IL6R: variants seen among roughly 807,000 people sequenced by gnomAD.
IL6R encodes the protein interleukin-6 receptor subunit alpha.
Under a neutral mutation model 48.3 loss-of-function variants are expected in IL6R, and 38 were observed. The observed-to-expected ratio is 0.79, with a 90% CI of 0.61 to 1.03. The LOEUF (loss-of-function observed/expected upper bound fraction) is 1.03, where lower values mean the gene tolerates loss of function less well. IL6R is among the 50% of genes least tolerant of loss of function. IL6R has a pLI of 0.00. For synonymous variants in IL6R, 264 were observed against 256.2 expected, an observed-to-expected ratio of 1.03 and a Z score of -0.29; for missense variants, 534 against 618.3, an observed-to-expected ratio of 0.86 and a Z score of 1.45.
intron 1 of IL6R, among the ~76,000 whole-genome samples, chr1:154,406,808 G>C (rs898261818): frequency 3.3e-5 from 5 of 151,810 alleles, no homozygotes; most frequent in African/African-American, 1.2e-4. Context: ...CTTATGATTG[G>C]AAGAAAAAAA....
rs868503276 is a variant in IL6R, at chr1:154,412,457, C to T, written c.85+6743C>T. ...ATTTTTAGTAGAGACGGGGTTTCACCATGTTGGCCAGGCTGGTCTCGAACT... is the reference window on the plus strand; with the variant it reads ...ATTTTTAGTAGAGACGGGGTTTCACTATGTTGGCCAGGCTGGTCTCGAACT... On this transcript the variant is annotated intron_variant, in intron 1 of 9. Coordinates refer to ENST00000368485, the MANE Select transcript of IL6R (RefSeq NM_000565.4). Among the ~76,000 whole-genome samples, 62 of 152,050 alleles carry T rather than the reference C, an allele frequency of 4.1e-4. 1 individual carries two copies. The Middle Eastern group carries it at 0.031, about 75-fold the overall frequency.
chr1:154,421,802 G>A (rs1570937084), intron 1 of IL6R, among the ~76,000 whole-genome samples: 1 of 152,156 alleles, frequency 6.6e-6, no homozygotes, highest in East Asian at 1.9e-4. Context: ...GAGTTTTTTG[G>A]TAGAGATGGA....
At position 154,429,290 on chromosome 1, in the gene IL6R, G is replaced by A; in HGVS notation, c.180G>A (p.Trp60Ter). The A allele has an allele frequency of 6.2e-7, 1 of 1,614,146 alleles. No individual in the cohort carries two copies. The highest frequency in any genetic ancestry group is 8.5e-7 in the Non-Finnish European group (1 of 1,180,028). Residue 60 changes from tryptophan (W) to a stop codon, truncating the protein, a stop_gained, in exon 2 of 10, where the codon TGG (tryptophan) becomes TGA (stop). Transcript: ENST00000368485. LOFTEE classifies it high-confidence loss of function. ...VEPEDNATVH[W>*]VLRKPAAGSH... ...CGGAAGACAATGCCACTGTTCACTG[G>A]GTGCTCAGGAAGCCGGCTGCAGGCT...
At chr1:154,432,946 C>T (rs1041694463) in intron 3 of IL6R, among the ~76,000 whole-genome samples, 3 of 152,198 alleles carry the variant, frequency 2.0e-5, no homozygotes, top group Non-Finnish European at 4.4e-5. Context: ...TGCTTTCACA[C>T]CCTTGCCCAA....
At chr1:154,426,753 T>G (rs575279091) in intron 1 of IL6R, among the ~76,000 whole-genome samples, 2 of 152,290 alleles carry the variant, frequency 1.3e-5, no homozygotes, top group Admixed American at 6.5e-5. Flanking sequence ...TTCAGTATTA[T>G]GTAATACATT....
rs35079361 is a variant in IL6R at position 154,423,260 on chromosome 1, AATATATAT to A, written c.86-5919_86-5912del. On this transcript the variant is annotated intron_variant, in intron 1 of 9. Coordinates refer to ENST00000368485, the MANE Select transcript of IL6R (RefSeq NM_000565.4). ...CCAGGCTATGTAGCTTGTTTAATTA[AATATATAT>A]ATATATATATATATATGTATTCATT... 4.5e-3 allele frequency among the ~76,000 whole-genome samples: 384 copies of A among 85,460 alleles called. 15 individuals are homozygous for A. Among genetic ancestry groups the A allele is most frequent in the African/African-American group, 0.013 (342 of 26,112 alleles). The allele number at this position is 85,460 out of a possible 152,430, so 56.1% of individuals were successfully genotyped here.
chr1:154,451,602 AT>A (rs1202393926), intron 8 of IL6R, among the ~76,000 whole-genome samples: 18 of 151,386 alleles, frequency 1.2e-4, no homozygotes, highest in East Asian at 2.0e-4. Flanking sequence ...CTCACTGATG[AT>A]TTTTTTTCTT....
intron 1 of IL6R, among the ~76,000 whole-genome samples, chr1:154,416,490 T>A: frequency 6.6e-6 from 1 of 152,094 alleles, no homozygotes; most frequent in Non-Finnish European, 1.5e-5. Context: ...GTATTTTTAA[T>A]GCCGAGTCTT....
At chr1:154,428,307 G>A (rs1689086167) in intron 1 of IL6R, among the ~76,000 whole-genome samples, 1 of 151,990 alleles carries the variant, frequency 6.6e-6, no homozygotes, top group African/African-American at 2.4e-5. Flanking sequence ...AGTAAACACA[G>A]CATTGCTGTA....
At chr1:154,444,017 A>G (rs1690072611) in intron 6 of IL6R, among the ~76,000 whole-genome samples, 1 of 151,724 alleles carries the variant, frequency 6.6e-6, no homozygotes, top group African/African-American at 2.4e-5. Context: ...GCCACATCTC[A>G]ATAGCATCTA....
At position 154,450,402 on chromosome 1, in the gene IL6R, G is replaced by A. The variant is rs534404211; in HGVS notation, c.1066+422G>A. Among the ~76,000 whole-genome samples, 11 of 152,210 alleles carry A rather than the reference G, an allele frequency of 7.2e-5. No homozygotes were observed. The East Asian group carries it at 1.9e-3, about 27-fold the overall frequency. On this transcript the variant is annotated intron_variant, in intron 8 of 9. Transcript: ENST00000368485. ...GCCTCCCAAAGTGCTGACATTACAG[G>A]CATGAGCCACCGTGCCTGGCCAGAA...
chr1:154,422,035 C>T (rs1688698211), intron 1 of IL6R, among the ~76,000 whole-genome samples: 1 of 152,134 alleles, frequency 6.6e-6, no homozygotes, highest in South Asian at 2.1e-4. Flanking sequence ...CAATCTCTGC[C>T]TCCTGGGTTC....
chr1:154,440,596 A>G (rs1374995895), intron 6 of IL6R, among the ~76,000 whole-genome samples: 1 of 150,202 alleles, frequency 6.7e-6, no homozygotes, highest in Non-Finnish European at 1.5e-5. Flanking sequence ...AGTCCTCCTT[A>G]TGGATGTGAA....
Position 154,465,623 on chromosome 1 carries a change from G to T in IL6R, c.*243G>T. Reference sequence around the variant, plus strand: ...CTTAAAGGGGCTAGAGTGAACTTGGGCCACTGTGAAGAGAACCATATCAAG... The same window carrying T: ...CTTAAAGGGGCTAGAGTGAACTTGGTCCACTGTGAAGAGAACCATATCAAG... On this transcript the variant is annotated 3_prime_UTR_variant, in exon 10 of 10. Coordinates refer to ENST00000368485, the MANE Select transcript of IL6R (RefSeq NM_000565.4). 1.8e-6 allele frequency: 1 copy of T among 544,268 alleles called. No homozygotes were observed. The highest frequency in any genetic ancestry group is 3.3e-6 in the Non-Finnish European group (1 of 301,894). 33.7% of individuals were successfully genotyped at this position (544,268 alleles called of 1,614,324 possible).
At chr1:154,435,657 G>A (rs939020692) in intron 5 of IL6R, among the ~76,000 whole-genome samples, 1 of 152,192 alleles carries the variant, frequency 6.6e-6, no homozygotes, top group African/African-American at 2.4e-5. Flanking sequence ...AAAGGATAAT[G>A]CCAGGCCAGT....
chr1:154,427,357 C>T (rs1689034319), intron 1 of IL6R, among the ~76,000 whole-genome samples: 1 of 152,128 alleles, frequency 6.6e-6, no homozygotes, highest in South Asian at 2.1e-4. Flanking sequence ...CTGCAGCCTC[C>T]TCAAATGTTT....
chr1:154,421,308 C>A (rs958789796), intron 1 of IL6R, among the ~76,000 whole-genome samples: 1 of 152,198 alleles, frequency 6.6e-6, no homozygotes, highest in Non-Finnish European at 1.5e-5. Flanking sequence ...ATTGAGCCTG[C>A]ACATACTTTT....
intron 6 of IL6R, among the ~76,000 whole-genome samples, chr1:154,437,082 G>T (rs190156916): frequency 4.0e-5 from 6 of 151,890 alleles, no homozygotes; most frequent in Admixed American, 3.3e-4. Flanking sequence ...ATGGAAATTT[G>T]TTGTTGTTGT....
chr1:154,440,602 GT>G (rs1689876633), intron 6 of IL6R, among the ~76,000 whole-genome samples: 1 of 151,338 alleles, frequency 6.6e-6, no homozygotes, highest in Non-Finnish European at 1.5e-5. Flanking sequence ...CCTTATGGAT[GT>G]GAAGTGTTAT....
Sources: allele counts gnomAD v4.1 joint callset (sites outside exome capture counted in the v4.1 genomes callset), GRCh38; gene constraint gnomAD v4.1.1; transcripts MANE v1.5; gene names NCBI Gene and HGNC (gene_info 2026-07-23, HGNC 2026-07-21).